Variants in NWD2 observed in about 807,000 individuals in gnomAD.
The protein encoded by NWD2 is NACHT and WD repeat domain containing 2, also known as NACHT and WD repeat domain-containing protein 2.
Under a neutral mutation model 132.7 loss-of-function variants are expected in NWD2, and 37 were observed. That is an observed-to-expected ratio of 0.28 (90% CI 0.21 to 0.37). The LOEUF (loss-of-function observed/expected upper bound fraction) is 0.37. Ranked by LOEUF, NWD2 falls within the 10% of genes least tolerant of loss-of-function variation. The pLI is 1.00. For synonymous variants in NWD2, 705 were observed against 803.0 expected (o/e 0.88, Z 2.06); for missense variants, 1,592 against 2,122.4 (o/e 0.75, Z 4.91).
chr4:37,318,699 T>C (rs940568160), intron 1 of NWD2, among the ~76,000 whole-genome samples: 3 of 151,194 alleles, frequency 2.0e-5, no homozygotes, highest in Admixed American at 1.3e-4. Context: ...TATTTGGTTT[T>C]TATTATGTAA....
chr4:37,270,958 A>G (rs1717859861), intron 1 of NWD2, among the ~76,000 whole-genome samples: 1 of 151,844 alleles, frequency 6.6e-6, no homozygotes, highest in African/African-American at 2.4e-5. Flanking sequence ...CATTTTCTAT[A>G]CATTTATCTG....
chr4:37,310,072 A>G (rs893387636), intron 1 of NWD2, among the ~76,000 whole-genome samples: 2 of 152,174 alleles, frequency 1.3e-5, no homozygotes, highest in South Asian at 2.1e-4. Flanking sequence ...AAAAAATCCC[A>G]TACCATTGTC....
intron 1 of NWD2, among the ~76,000 whole-genome samples, chr4:37,292,730 G>A (rs1718390166): frequency 6.6e-6 from 1 of 152,152 alleles, no homozygotes; most frequent in African/African-American, 2.4e-5. Context: ...AGTGGCAGGG[G>A]GTTGGATTTG....
chr4:37,285,012 G>C (rs988653278), intron 1 of NWD2, among the ~76,000 whole-genome samples: 1 of 152,108 alleles, frequency 6.6e-6, no homozygotes, highest in Non-Finnish European at 1.5e-5. Context: ...ACTTCTATGT[G>C]TAAGTACAGG....
At chr4:37,377,870 C>T (rs1398101608) in intron 3 of NWD2, among the ~76,000 whole-genome samples, 1 of 151,926 alleles carries the variant, frequency 6.6e-6, no homozygotes, top group Non-Finnish European at 1.5e-5. Context: ...GTTTAAATAA[C>T]TTAAAATAAC....
intron 3 of NWD2, among the ~76,000 whole-genome samples, chr4:37,392,789 C>G (rs1468259953): frequency 2.0e-5 from 3 of 152,208 alleles, no homozygotes; most frequent in East Asian, 1.9e-4. Flanking sequence ...TGAAGACTGA[C>G]TCAGCAGTTG....
intron 1 of NWD2, among the ~76,000 whole-genome samples, chr4:37,271,947 T>G (rs1340230149): frequency 1.3e-5 from 2 of 151,808 alleles, no homozygotes; most frequent in African/African-American, 4.8e-5. Flanking sequence ...TTTTTTGTAG[T>G]GCCCATTTAT....
chr4:37,353,114 G>T (rs1035461647), intron 2 of NWD2, among the ~76,000 whole-genome samples: 1 of 152,050 alleles, frequency 6.6e-6, no homozygotes, highest in Non-Finnish European at 1.5e-5. Context: ...TCTTATGAAG[G>T]TTAGTTTGGC....
At chr4:37,292,761 A>G (rs959422273) in intron 1 of NWD2, among the ~76,000 whole-genome samples, 1 of 152,154 alleles carries the variant, frequency 6.6e-6, no homozygotes, top group African/African-American at 2.4e-5. Context: ...GTTCCACCTC[A>G]GATCATCAGG....
chr4:37,351,729 C>T (rs780315833), intron 2 of NWD2, among the ~76,000 whole-genome samples: 25 of 151,888 alleles, frequency 1.6e-4, no homozygotes, highest in South Asian at 2.1e-4. Context: ...CTTTAGAATT[C>T]GTTTGCTCTT....
intron 1 of NWD2, among the ~76,000 whole-genome samples, chr4:37,254,917 C>A (rs1717482909): frequency 6.6e-6 from 1 of 152,146 alleles, no homozygotes; most frequent in African/African-American, 2.4e-5. Flanking sequence ...TACGGAATTT[C>A]ACTCGGATGA....
chr4:37,364,549 C>T (rs1403164437), intron 3 of NWD2, among the ~76,000 whole-genome samples: 1 of 152,114 alleles, frequency 6.6e-6, no homozygotes, highest in Admixed American at 6.6e-5. Flanking sequence ...GCATCCTCAT[C>T]GGGGCTGTGA....
chr4:37,369,506 G>A (rs1720172749), intron 3 of NWD2, among the ~76,000 whole-genome samples: 1 of 152,086 alleles, frequency 6.6e-6, no homozygotes, highest in Non-Finnish European at 1.5e-5. Context: ...TGAGGGTTTT[G>A]TATAATTCTT....
chr4:37,420,957 C>T (rs902338531), intron 3 of NWD2, among the ~76,000 whole-genome samples: 3 of 152,132 alleles, frequency 2.0e-5, no homozygotes, highest in African/African-American at 7.2e-5. Context: ...ATCCACATAT[C>T]TAATTCTTCA....
chr4:37,351,642 G>T (rs1719766199), intron 2 of NWD2, among the ~76,000 whole-genome samples: 2 of 152,112 alleles, frequency 1.3e-5, no homozygotes, highest in South Asian at 4.2e-4. Context: ...TGGATTCATT[G>T]ATTTTTTTAA....
intron 2 of NWD2, among the ~76,000 whole-genome samples, chr4:37,334,804 G>T (rs916210173): frequency 6.6e-6 from 1 of 152,066 alleles, no homozygotes; most frequent in Admixed American, 6.5e-5. Context: ...TGGGCACCTG[G>T]TATTTACATT....
chr4:37,417,933 A>G (rs571488425), intron 3 of NWD2, among the ~76,000 whole-genome samples: 1 of 152,340 alleles, frequency 6.6e-6, no homozygotes, highest in East Asian at 1.9e-4. Context: ...TTATGGATAT[A>G]TGTATATACA....
intron 2 of NWD2, among the ~76,000 whole-genome samples, chr4:37,330,387 C>T (rs934322708): frequency 1.3e-5 from 2 of 152,060 alleles, no homozygotes; most frequent in Non-Finnish European, 2.9e-5. Context: ...TAAGGGCCTC[C>T]AGCTACAGAG....
At position 37,298,849 on chromosome 4, in the gene NWD2, A is replaced by C. The variant is rs554780932; in HGVS notation, c.152-27087A>C. ...TTATGATGATGATGAGAGTGGTAGT[A>C]CAGCCAAGCTTTACTGGAAAGTTAT... On this transcript the variant is annotated intron_variant, in intron 1 of 6. Coordinates refer to ENST00000309447, the MANE Select transcript of NWD2 (RefSeq NM_001144990.2). Among the ~76,000 whole-genome samples the C allele has an allele frequency of 5.9e-5, 9 of 152,306 alleles. No individual in the cohort carries two copies. In the East Asian group the frequency reaches 1.5e-3, roughly 26 times the overall value.
Sources: gnomAD v4.1 joint callset for allele counts (sites outside exome capture counted in the v4.1 genomes callset) on GRCh38, gnomAD v4.1.1 for gene constraint, MANE v1.5 for transcripts, NCBI Gene and HGNC (gene_info 2026-07-23, HGNC 2026-07-21) for gene names.